Variants in ZNF704 observed in about 807,000 individuals in gnomAD.
The protein encoded by ZNF704 is glucocorticoid induced gene 1.
ZNF704 carries 10 observed loss-of-function variants against 44.7 expected under a neutral mutation model. That is an observed-to-expected ratio of 0.22 (90% CI 0.14 to 0.38). The LOEUF (loss-of-function observed/expected upper bound fraction) is 0.38. Among genes scored for constraint, ZNF704 ranks in the 10% least tolerant of loss-of-function variants. The pLI is 1.00. For synonymous variants in ZNF704, 211 were observed against 207.6 expected (o/e 1.02, Z -0.14); for missense variants, 390 against 545.5 (o/e 0.71, Z 2.84).
intron 2 of ZNF704, among the ~76,000 whole-genome samples, chr8:80,741,356 A>G (rs1806752984): frequency 6.6e-6 from 1 of 152,208 alleles, no homozygotes; most frequent in South Asian, 2.1e-4. Context: ...AAATAGGAAT[A>G]GCTCTAGGAG....
At chr8:80,807,705 A>G (rs1445173687) in intron 2 of ZNF704, among the ~76,000 whole-genome samples, 1 of 152,202 alleles carries the variant, frequency 6.6e-6, no homozygotes, top group Non-Finnish European at 1.5e-5. Context: ...TTGTATATGT[A>G]TATGTAGTAT....
intron 1 of ZNF704, among the ~76,000 whole-genome samples, chr8:80,871,810 TAAA>T (rs887678789): frequency 3.3e-5 from 5 of 152,208 alleles, no homozygotes; most frequent in African/African-American, 9.6e-5. Flanking sequence ...AAGAGTAATT[TAAA>T]AGATAAACCT....
At position 80,725,702 on chromosome 8, in the gene ZNF704, T is replaced by C. The variant is rs554318965; in HGVS notation, c.222-32595A>G. On this transcript the variant is annotated intron_variant, in intron 2 of 8. Coordinates refer to ENST00000327835, the MANE Select transcript of ZNF704 (RefSeq NM_001033723.3). The stretch of plus-strand genomic sequence containing the variant: ...CAGAGACAATATCCTTCATGAAAAA[T>C]AGACTGTACATATAAGTTTTTGTGG... 1.4e-4 allele frequency among the ~76,000 whole-genome samples: 22 copies of C among 152,212 alleles called. No individual in the cohort carries two copies. The South Asian group carries it at 4.4e-3, about 30-fold the overall frequency.
rs73273043 is a variant in ZNF704 at position 80,707,974 on chromosome 8, G to A, written c.222-14867C>T. Among the ~76,000 whole-genome samples, 823 of 152,310 alleles carry A rather than the reference G, an allele frequency of 5.4e-3. 4 individuals carry two copies. Among genetic ancestry groups the A allele is most frequent in the African/African-American group, 0.016 (673 of 41,560 alleles). ...AATGGGTGGAAGCACCTATGTTGCC[G>A]TCTGGAGGATTCTCATACACACATA... is the stretch of plus-strand genomic sequence containing the variant. On this transcript the variant is annotated intron_variant, in intron 2 of 8. Transcript: ENST00000327835.
At chr8:80,644,664 AGT>A in intron 7 of ZNF704, among the ~76,000 whole-genome samples, 1 of 152,264 alleles carries the variant, frequency 6.6e-6, no homozygotes, top group Non-Finnish European at 1.5e-5. Context: ...CCATCTGCCA[AGT>A]GTGTTCTGGA....
At chr8:80,824,176 T>C (rs1225299520) in intron 1 of ZNF704, among the ~76,000 whole-genome samples, 1 of 151,920 alleles carries the variant, frequency 6.6e-6, no homozygotes, top group Admixed American at 6.6e-5. Context: ...CTAAAAACCT[T>C]GAAAAAAGAT....
chr8:80,659,049 A>G (rs180932158), intron 7 of ZNF704, among the ~76,000 whole-genome samples: 4 of 152,368 alleles, frequency 2.6e-5, no homozygotes, highest in African/African-American at 7.2e-5. Flanking sequence ...ATCATTTAAT[A>G]TGTCAAATCA....
rs142606274 is a variant in ZNF704, at chr8:80,868,103, T to C, written c.-22+6468A>G. Among the ~76,000 whole-genome samples, 720 of 152,342 alleles carry C rather than the reference T, an allele frequency of 4.7e-3. 5 individuals carry two copies. Among genetic ancestry groups the C allele is most frequent in the African/African-American group, 0.016 (669 of 41,574 alleles). On this transcript the variant is annotated intron_variant, in intron 1 of 8. Transcript: ENST00000327835. The stretch of plus-strand genomic sequence containing the variant: ...CCCTTCACTGAGTAACAATTTATTG[T>C]ATCCTTCTTATGTTTGACAGTGCCT...
At chr8:80,666,695 T>C (rs1441972492) in intron 5 of ZNF704, among the ~76,000 whole-genome samples, 120 of 151,942 alleles carry the variant, frequency 7.9e-4, no homozygotes, top group Non-Finnish European at 1.1e-3. Flanking sequence ...TGGTTTTGAT[T>C]TGCATTTCTC....
Position 80,790,285 on chromosome 8 carries a change from G to A in ZNF704, c.221+31089C>T, listed in dbSNP as rs150493342. On this transcript the variant is annotated intron_variant, in intron 2 of 8. Transcript: ENST00000327835. ...AATGTGCAGTTAGGGTTGTGACTCC[G>A]TGGCCTAGAGTTACAGTGGTTGGCC... 1.9e-4 allele frequency among the ~76,000 whole-genome samples: 29 copies of A among 152,284 alleles called. No individual in the cohort carries two copies. In the East Asian group the frequency reaches 2.1e-3, roughly 11 times the overall value.
At chr8:80,831,322 G>A (rs1374948191) in intron 1 of ZNF704, among the ~76,000 whole-genome samples, 2 of 152,114 alleles carry the variant, frequency 1.3e-5, no homozygotes, top group Non-Finnish European at 2.9e-5. Context: ...TGCACCTGGA[G>A]AGCAACTTTT....
In ZNF704 at chr8:80,816,003, T is replaced by C. The variant is rs969637079; in HGVS notation, c.221+5371A>G. 1.9e-4 allele frequency among the ~76,000 whole-genome samples: 29 copies of C among 152,232 alleles called. 1 individual carries two copies. The highest frequency in any genetic ancestry group is 3.2e-3 in the Middle Eastern group (1 of 316). On this transcript the variant is annotated intron_variant, in intron 2 of 8. Coordinates refer to ENST00000327835, the MANE Select transcript of ZNF704 (RefSeq NM_001033723.3). The stretch of plus-strand genomic sequence containing the variant: ...CCAGCAACTCTGTGAGCTACCTTGA[T>C]GGTCTTTCAAAAAATTTCACTCTTT...
intron 1 of ZNF704, among the ~76,000 whole-genome samples, chr8:80,832,525 C>T (rs2129931383): frequency 6.6e-6 from 1 of 152,282 alleles, no homozygotes; most frequent in African/African-American, 2.4e-5. Context: ...TGTGTCAACA[C>T]TCAACTCTTG....
In ZNF704 at chr8:80,822,276, C is replaced by G. The variant is rs550880071; in HGVS notation, c.-21-661G>C. On this transcript the variant is annotated intron_variant, in intron 1 of 8. Coordinates refer to ENST00000327835, the MANE Select transcript of ZNF704 (RefSeq NM_001033723.3). ...CTAATGCTATCCCTTCCCCCCCGCC[C>G]CCAACCCATGACAGGCCCCGGTGTA... Among the ~76,000 whole-genome samples the G allele has an allele frequency of 1.5e-3, 232 of 151,642 alleles. 2 individuals are homozygous for G. Among genetic ancestry groups the G allele is most frequent in the African/African-American group, 5.3e-3 (216 of 41,076 alleles).
At chr8:80,868,183 C>G (rs1809190152) in intron 1 of ZNF704, among the ~76,000 whole-genome samples, 1 of 152,064 alleles carries the variant, frequency 6.6e-6, no homozygotes, top group South Asian at 2.1e-4. Context: ...GGTAATGTTC[C>G]TTATACAGGC....
intron 5 of ZNF704, among the ~76,000 whole-genome samples, chr8:80,667,677 TA>T: frequency 6.6e-6 from 1 of 152,344 alleles, no homozygotes; most frequent in South Asian, 2.1e-4. Context: ...GGTAGGTACC[TA>T]GCAAATGTTG....
intron 2 of ZNF704, among the ~76,000 whole-genome samples, chr8:80,727,602 G>A (rs1328483096): frequency 6.6e-6 from 1 of 152,110 alleles, no homozygotes; most frequent in African/African-American, 2.4e-5. Context: ...GGTGGATGGA[G>A]CGGGTAACGA....
chr8:80,648,742 C>T (rs992521961), intron 7 of ZNF704, among the ~76,000 whole-genome samples: 3 of 152,116 alleles, frequency 2.0e-5, no homozygotes, highest in Non-Finnish European at 2.9e-5. Flanking sequence ...TTTTAATCTT[C>T]GCAACAACCC....
intron 2 of ZNF704, among the ~76,000 whole-genome samples, chr8:80,788,778 A>G (rs1807656660): frequency 6.6e-6 from 1 of 152,114 alleles, no homozygotes; most frequent in African/African-American, 2.4e-5. Flanking sequence ...GGGGAAAACA[A>G]ATTTGTTTAA....
Sources: allele counts gnomAD v4.1 joint callset (sites outside exome capture counted in the v4.1 genomes callset), GRCh38; gene constraint gnomAD v4.1.1; transcripts MANE v1.5; gene names NCBI Gene and HGNC (gene_info 2026-07-23, HGNC 2026-07-21).